MAMDC2: variants seen among roughly 807,000 people sequenced by gnomAD.
The protein encoded by MAMDC2 is MAM domain containing 2.
A neutral mutation model predicts 89.8 loss-of-function variants in MAMDC2; 57 were observed. The ratio of observed to expected loss-of-function variants is 0.63; its 90% confidence interval spans 0.51 to 0.79. The LOEUF is 0.79. MAMDC2 is among the 30% of genes least tolerant of loss of function. MAMDC2 has a pLI of 0.00. For missense variants in MAMDC2, 800 were observed against 820.6 expected, an observed-to-expected ratio of 0.97 and a Z score of 0.31; for synonymous variants, 313 against 293.4, an observed-to-expected ratio of 1.07 and a Z score of -0.68.
rs559996712 is a variant in MAMDC2 at position 70,140,448 on chromosome 9, T to C, written c.1138+160T>C. Among the ~76,000 whole-genome samples, 5 of 152,348 alleles carry C rather than the reference T, an allele frequency of 3.3e-5. No individual in the cohort carries two copies. In the East Asian group the frequency reaches 9.6e-4, roughly 29 times the overall value. ...CTTGTGTTTGACCATTTTTAAAAAT[T>C]GGAATTCAAGTTGCCGTGTTAACAA... On this transcript the variant is annotated intron_variant, in intron 8 of 13. Transcript: ENST00000377182.
intron 11 of MAMDC2, among the ~76,000 whole-genome samples, chr9:70,215,759 A>T (rs2033433708): frequency 6.6e-6 from 1 of 152,204 alleles, no homozygotes; most frequent in African/African-American, 2.4e-5. Context: ...TGACTGGTTG[A>T]TGCAGGCCAT....
At position 70,213,965 on chromosome 9, in the gene MAMDC2, G is replaced by T. The variant is rs538308247; in HGVS notation, c.1652-4372G>T. On this transcript the variant is annotated intron_variant, in intron 11 of 13. Transcript: ENST00000377182. ...CATGTGCCCTAGAAATGGTCAAACTGGTTTGTGCTTAGAGCTGTGGGAAAA... is the reference window on the plus strand; with the variant it reads ...CATGTGCCCTAGAAATGGTCAAACTTGTTTGTGCTTAGAGCTGTGGGAAAA... 2.6e-5 allele frequency among the ~76,000 whole-genome samples: 4 copies of T among 152,220 alleles called. No individual in the cohort carries two copies. The South Asian group carries it at 6.2e-4, about 24-fold the overall frequency.
chr9:70,076,376 A>C (rs1827534134), intron 2 of MAMDC2, among the ~76,000 whole-genome samples: 1 of 151,938 alleles, frequency 6.6e-6, no homozygotes, highest in Non-Finnish European at 1.5e-5. Flanking sequence ...AGCCAAGGTC[A>C]CACTAGTGCA....
At chr9:70,209,552 CTAT>C (rs2033305397) in intron 11 of MAMDC2, among the ~76,000 whole-genome samples, 1 of 150,906 alleles carries the variant, frequency 6.6e-6, no homozygotes, top group Non-Finnish European at 1.5e-5. Flanking sequence ...GTCTATCTAT[CTAT>C]CTATTTTATT....
At chr9:70,072,980 CATG>C (rs1827443273) in intron 2 of MAMDC2, among the ~76,000 whole-genome samples, 1 of 152,154 alleles carries the variant, frequency 6.6e-6, no homozygotes, top group Non-Finnish European at 1.5e-5. Flanking sequence ...GGATTACAGG[CATG>C]TGCCACCACA....
chr9:70,161,958 G>C (rs2031990201), intron 9 of MAMDC2, among the ~76,000 whole-genome samples: 1 of 152,168 alleles, frequency 6.6e-6, no homozygotes, highest in Admixed American at 6.6e-5. Flanking sequence ...AAATTGTTGA[G>C]GTCTACCACT....
intron 11 of MAMDC2, among the ~76,000 whole-genome samples, chr9:70,212,429 G>C (rs139060873): frequency 2.0e-5 from 3 of 152,368 alleles, no homozygotes; most frequent in Middle Eastern, 3.4e-3. Context: ...CTCTGAGCCA[G>C]GCACGGGATA....
At chr9:70,168,883 G>A (rs776070497) in intron 10 of MAMDC2, 88 bp downstream of exon 10, 221 of 1,125,796 alleles carry the variant, frequency 2.0e-4, no homozygotes, top group Non-Finnish European at 2.8e-4. Flanking sequence ...TTTCATCTGT[G>A]CTAGTCCATC....
chr9:70,051,894 GAT>G (rs1563932178), intron 2 of MAMDC2, among the ~76,000 whole-genome samples: 59 of 150,820 alleles, frequency 3.9e-4, no homozygotes, highest in East Asian at 2.1e-3. Flanking sequence ...GATAGAGATA[GAT>G]AGATAGATAG....
intron 6 of MAMDC2, among the ~76,000 whole-genome samples, chr9:70,129,361 A>T (rs944847040): frequency 6.6e-6 from 1 of 152,120 alleles, no homozygotes; most frequent in Admixed American, 6.5e-5. Flanking sequence ...GCCTTCTGCC[A>T]TGATTGTGAG....
intron 9 of MAMDC2, among the ~76,000 whole-genome samples, chr9:70,144,527 GA>G: frequency 6.6e-6 from 1 of 152,302 alleles, no homozygotes; most frequent in East Asian, 1.9e-4. Flanking sequence ...ACCAGTGTGG[GA>G]AAAATCCATT....
chr9:70,052,408 T>G (rs891118527), intron 2 of MAMDC2, among the ~76,000 whole-genome samples: 1 of 152,248 alleles, frequency 6.6e-6, no homozygotes, highest in African/African-American at 2.4e-5. Context: ...TCTCTTTACC[T>G]GTATAATGCT....
In MAMDC2 at chr9:70,126,151, A is replaced by C. The variant is rs1302244916; in HGVS notation, c.644-8A>C. 1 of 1,586,916 alleles carries C rather than the reference A, an allele frequency of 6.3e-7. No individual in the cohort carries two copies. The highest frequency in any genetic ancestry group is 1.7e-5 in the Admixed American group (1 of 57,972). On this transcript the variant is annotated splice_polypyrimidine_tract_variant and splice_region_variant and intron_variant, in intron 5 of 13. Transcript: ENST00000377182. Reference sequence around the variant, plus strand: ...CTTAACACTGTGCTCTGTCTGTGTGATTTTCAGGCCACTACATGTACGTGG... The same window carrying C: ...CTTAACACTGTGCTCTGTCTGTGTGCTTTTCAGGCCACTACATGTACGTGG...
intron 2 of MAMDC2, among the ~76,000 whole-genome samples, chr9:70,107,081 G>T (rs1364867562): frequency 6.6e-6 from 1 of 152,122 alleles, no homozygotes; most frequent in East Asian, 1.9e-4. Context: ...AAAGACAGCA[G>T]GTTAAATGAC....
At chr9:70,069,475 T>C (rs1827350248) in intron 2 of MAMDC2, among the ~76,000 whole-genome samples, 1 of 152,236 alleles carries the variant, frequency 6.6e-6, no homozygotes, top group Non-Finnish European at 1.5e-5. Flanking sequence ...AGGCTTGTCA[T>C]TGTAAACACT....
At chr9:70,171,347 T>TA (rs59852222) in intron 11 of MAMDC2, among the ~76,000 whole-genome samples, 8 of 151,100 alleles carry the variant, frequency 5.3e-5, no homozygotes, top group South Asian at 2.1e-4. Flanking sequence ...ATTTTTTTTT[T>TA]AATTTAGCCA....
intron 6 of MAMDC2, 45 bp from the exon 7 acceptor site, chr9:70,131,474 C>A: frequency 7.0e-7 from 1 of 1,432,286 alleles, no homozygotes; most frequent in Non-Finnish European, 9.6e-7. Context: ...TTAAGCCAAA[C>A]CGAAAATATG....
chr9:70,194,883 G>C (rs1186045265), intron 11 of MAMDC2, among the ~76,000 whole-genome samples: 2 of 152,014 alleles, frequency 1.3e-5, no homozygotes, highest in African/African-American at 4.8e-5. Flanking sequence ...AATTCTGTCG[G>C]AACCTTAGGC....
chr9:70,163,212 A>AGGGATTCT (rs57669441), intron 9 of MAMDC2, among the ~76,000 whole-genome samples: 4 of 148,594 alleles, frequency 2.7e-5, no homozygotes, highest in Non-Finnish European at 5.9e-5. Flanking sequence ...CCAGGGCTTC[A>AGGGATTCT]GGATATTTCT....
Sources: gnomAD v4.1 joint callset for allele counts (sites outside exome capture counted in the v4.1 genomes callset) on GRCh38, gnomAD v4.1.1 for gene constraint, MANE v1.5 for transcripts, NCBI Gene and HGNC (gene_info 2026-07-23, HGNC 2026-07-21) for gene names.